Variants in CACNA1D observed in about 807,000 individuals in gnomAD.
CACNA1D encodes calcium voltage-gated channel subunit alpha1 D.
A neutral mutation model predicts 257.1 loss-of-function variants in CACNA1D; 55 were observed. The ratio of observed to expected loss-of-function variants is 0.21; its 90% confidence interval spans 0.17 to 0.27. The LOEUF (loss-of-function observed/expected upper bound fraction) is 0.27. Ranked by LOEUF, CACNA1D falls within the 10% of genes least tolerant of loss-of-function variation. CACNA1D has a pLI of 1.00. For synonymous variants in CACNA1D, 980 were observed against 1,014.9 expected, an observed-to-expected ratio of 0.97 and a Z score of 0.65; for missense variants, 1,876 against 2,784.0, an observed-to-expected ratio of 0.67 and a Z score of 7.34.
At chr3:53,693,987 GT>G (rs1215118867) in intron 8 of CACNA1D, among the ~76,000 whole-genome samples, 3 of 152,184 alleles carry the variant, frequency 2.0e-5, no homozygotes, top group African/African-American at 7.2e-5. Flanking sequence ...TTTATGGGAC[GT>G]TTAAGAAATA....
At chr3:53,563,396 C>T (rs953357054) in intron 3 of CACNA1D, among the ~76,000 whole-genome samples, 5 of 151,982 alleles carry the variant, frequency 3.3e-5, no homozygotes, top group South Asian at 2.1e-4. Context: ...TGGTCGTGGG[C>T]GCCTGTAGTC....
intron 3 of CACNA1D, among the ~76,000 whole-genome samples, chr3:53,590,716 G>C (rs930544539): frequency 6.6e-6 from 1 of 152,220 alleles, no homozygotes; most frequent in Non-Finnish European, 1.5e-5. Flanking sequence ...AACTAGGTGA[G>C]CCTGGGCGGC....
intron 3 of CACNA1D, among the ~76,000 whole-genome samples, chr3:53,515,986 G>T (rs2107290902): frequency 6.6e-6 from 1 of 152,230 alleles, no homozygotes; most frequent in South Asian, 2.1e-4. Flanking sequence ...ACAGATCTTG[G>T]TTTGGTTTCT....
chr3:53,523,508 CTG>C (rs1163518360), intron 3 of CACNA1D, among the ~76,000 whole-genome samples: 5 of 152,232 alleles, frequency 3.3e-5, no homozygotes, highest in Non-Finnish European at 4.4e-5. Flanking sequence ...AGTGGCACAA[CTG>C]AGACTGGCAT....
rs138766545 is a variant in CACNA1D at position 53,539,664 on chromosome 3, A to G, written c.483+37944A>G. ...CGAATTGCTGGGTTAGATGCTATGC[A>G]TGTCTTCTTTCCAATGTGTCATGCC... On this transcript the variant is annotated intron_variant, in intron 3 of 47. Coordinates refer to ENST00000350061, the MANE Select transcript of CACNA1D (RefSeq NM_001128840.3). 1.3e-3 allele frequency among the ~76,000 whole-genome samples: 193 copies of G among 152,354 alleles called. 1 individual carries two copies. The highest frequency in any genetic ancestry group is 2.0e-3 in the Non-Finnish European group (136 of 68,028).
chr3:53,542,377 T>C (rs528096133), intron 3 of CACNA1D, among the ~76,000 whole-genome samples: 6 of 151,944 alleles, frequency 3.9e-5, no homozygotes, highest in African/African-American at 1.4e-4. Context: ...CCCAGGAGTT[T>C]GTGACCAGCC....
rs1392189380 is a variant in CACNA1D, at chr3:53,804,006, A to G, written c.5585+434A>G. 2.0e-5 allele frequency among the ~76,000 whole-genome samples: 3 copies of G among 152,040 alleles called. No homozygotes were observed. The East Asian group carries it at 5.8e-4, about 29-fold the overall frequency. On this transcript the variant is annotated intron_variant, in intron 44 of 47. Coordinates refer to ENST00000350061, the MANE Select transcript of CACNA1D (RefSeq NM_001128840.3). ...TCATGCACAGCACCTGCCTCCTGCC[A>G]CTTCAAGGGGTCTCTCGGGGAGATG...
In CACNA1D at chr3:53,672,911, A is replaced by G. The variant is rs895427459; in HGVS notation, c.1117-112A>G. On this transcript the variant is annotated intron_variant, in intron 7 of 47. Transcript: ENST00000350061. ...TTGGCTACTGTTGTTTCTGATTTAAATCTAAGTAAATGTTTAATTAAATGT... is the reference window on the plus strand; with the variant it reads ...TTGGCTACTGTTGTTTCTGATTTAAGTCTAAGTAAATGTTTAATTAAATGT... The G allele has an allele frequency of 9.5e-6, 7 of 738,566 alleles. No individual in the cohort carries two copies. The African/African-American group carries it at 1.1e-4, about 11-fold the overall frequency. 45.8% of individuals were successfully genotyped at this position (738,566 alleles called of 1,614,324 possible).
At chr3:53,603,742 C>T (rs2093473707) in intron 3 of CACNA1D, among the ~76,000 whole-genome samples, 1 of 152,198 alleles carries the variant, frequency 6.6e-6, no homozygotes, top group Non-Finnish European at 1.5e-5. Context: ...AATGATGCCT[C>T]ATCTGTGCAT....
intron 3 of CACNA1D, among the ~76,000 whole-genome samples, chr3:53,618,604 T>C (rs1297808047): frequency 1.3e-5 from 2 of 152,200 alleles, no homozygotes; most frequent in Non-Finnish European, 2.9e-5. Context: ...TGGTTTTCCA[T>C]GTGGACCATT....
intron 21 of CACNA1D, 52 bp downstream of exon 21, chr3:53,740,391 T>C (rs2108812857): frequency 1.7e-6 from 2 of 1,204,916 alleles, no homozygotes; most frequent in Non-Finnish European, 2.5e-6. Context: ...GGAGCAATAA[T>C]AGTTGCACTT....
chr3:53,656,735 C>A (rs1015459190), intron 4 of CACNA1D, among the ~76,000 whole-genome samples: 1 of 152,002 alleles, frequency 6.6e-6, no homozygotes, highest in African/African-American at 2.4e-5. Context: ...ACCCAATAAA[C>A]AAATAGGTAA....
intron 9 of CACNA1D, chr3:53,710,282 G>A (rs986227727): frequency 2.6e-5 from 11 of 417,602 alleles, no homozygotes; most frequent in African/African-American, 8.2e-5. Flanking sequence ...GCAGGCGGGC[G>A]TCCATTGCGT....
intron 38 of CACNA1D, among the ~76,000 whole-genome samples, chr3:53,780,982 G>T (rs149899865): frequency 1.6e-4 from 25 of 152,328 alleles, no homozygotes; most frequent in Admixed American, 8.5e-4. Flanking sequence ...TAACTAACAG[G>T]GGCGCCTTGT....
At chr3:53,668,739 A>T (rs2094293868) in intron 7 of CACNA1D, among the ~76,000 whole-genome samples, 1 of 152,198 alleles carries the variant, frequency 6.6e-6, no homozygotes, top group South Asian at 2.1e-4. Context: ...TCACCTCAGC[A>T]ACTGTTCAGC....
chr3:53,723,437 T>C lies in CACNA1D; in HGVS notation c.1670T>C (p.Ile557Thr), dbSNP rs561281950. 2 of 1,613,516 alleles carry C rather than the reference T, an allele frequency of 1.2e-6. No homozygotes were observed. The highest frequency in any genetic ancestry group is 1.7e-6 in the Non-Finnish European group (2 of 1,179,420). Reference sequence around the variant, plus strand: ...GGGTGCCCCTTTGTCTTTCCAGATATTGCCAACAAAGTCCTCTTGGCTCTG... The same window carrying C: ...GGGTGCCCCTTTGTCTTTCCAGATACTGCCAACAAAGTCCTCTTGGCTCTG... ...QPDWLTQIQDIANKVLLALFT... is the reference protein window; with the variant it reads ...QPDWLTQIQDTANKVLLALFT... The change falls in exon 13 of 48, where the codon ATT becomes ACT. Residue 557 changes from isoleucine (I) to threonine (T), a missense_variant. Ile to Thr is a moderately conservative substitution (Grantham distance 89). Coordinates refer to ENST00000350061, the MANE Select transcript of CACNA1D (RefSeq NM_001128840.3). This position sits in a 1 kb window ranked among gnomAD's most constrained non-coding sequence, Gnocchi z 5.6.
intron 8 of CACNA1D, among the ~76,000 whole-genome samples, 186 bp from the exon 9 acceptor site, chr3:53,702,455 A>G (rs1022043414): frequency 6.6e-6 from 1 of 152,166 alleles, no homozygotes; most frequent in Admixed American, 6.5e-5. Flanking sequence ...TCTGACCCCC[A>G]TAGTCTTGCT....
At chr3:53,534,499 G>A (rs959819381) in intron 3 of CACNA1D, among the ~76,000 whole-genome samples, 4 of 152,162 alleles carry the variant, frequency 2.6e-5, no homozygotes, top group Non-Finnish European at 5.9e-5. Flanking sequence ...AGGGCGGCTA[G>A]GGTGGTGCCT....
rs1553707875 is a variant in CACNA1D, at chr3:53,507,089, A to AAG, written c.483+5370_483+5371insGA. On this transcript the variant is annotated intron_variant, in intron 3 of 47. Coordinates refer to ENST00000350061, the MANE Select transcript of CACNA1D (RefSeq NM_001128840.3). ...CTCTATCTCAAAAAAAAAAAAAAAA[A>AAG]AAAACAAAAAAATGTGGTAGAAGGG... 6.1e-4 allele frequency among the ~76,000 whole-genome samples: 91 copies of AAG among 150,272 alleles called. 1 individual carries two copies. The highest frequency in any genetic ancestry group is 3.4e-3 in the Middle Eastern group (1 of 290).
Sources: gnomAD v4.1 joint callset for allele counts (sites outside exome capture counted in the v4.1 genomes callset) on GRCh38, gnomAD v4.1.1 for gene constraint, Gnocchi (gnomAD v3.1) non-coding constraint, MANE v1.5 for transcripts, NCBI Gene and HGNC (gene_info 2026-07-23, HGNC 2026-07-21) for gene names.